The following GLB1L3 variants were observed in gnomAD, a reference collection of about 807,000 sequenced individuals.
GLB1L3 encodes galactosidase beta 1 like 3.
Under a neutral mutation model 89.5 loss-of-function variants are expected in GLB1L3, and 89 were observed. The ratio of observed to expected loss-of-function variants is 0.99; its 90% CI spans 0.84 to 1.19. The LOEUF is 1.19. Ranked by LOEUF, GLB1L3 falls within the 50% of genes most tolerant of loss-of-function variation. The pLI, the probability that GLB1L3 is intolerant of heterozygous loss-of-function variation, is 0.00. For synonymous variants in GLB1L3, 314 were observed against 312.3 expected (o/e 1.01, Z -0.06); for missense variants, 812 against 813.3 (o/e 1.00, Z 0.02).
At chr11:134,308,178 CCATCACCAT>C (rs1565412120) in intron 10 of GLB1L3, among the ~76,000 whole-genome samples, 6 of 115,042 alleles carry the variant, frequency 5.2e-5, no homozygotes, top group African/African-American at 8.0e-5. Context: ...AGCACCACCA[CCATCACCAT>C]CATCACCATC....
chr11:134,282,045 C>T lies in GLB1L3; in HGVS notation c.452C>T (p.Ala151Val), dbSNP rs760082586. ...LDLEAFVLMA[A>V]EIGLWVILRP... The stretch of plus-strand genomic sequence containing the variant: ...CCTAGGGCCTTCGTCCTGATGGCCG[C>T]AGAGATCGGGCTGTGGGTGATTCTG... The change falls in exon 5 of 20, where the codon GCA (alanine) becomes GTA (valine). Residue 151 changes from alanine (A) to valine (V), a missense_variant. Physicochemically the swap from Ala to Val is moderately conservative, Grantham distance 64. This residue lies in a region of GLB1L3 where 191 missense variants were observed against 191.4 expected (regional missense o/e 1.00). Transcript: ENST00000431683. 19 of 1,571,828 alleles carry T rather than the reference C, an allele frequency of 1.2e-5. No homozygotes were observed. The highest frequency in any genetic ancestry group is 4.0e-4 in the Middle Eastern group (2 of 4,996).
At chr11:134,292,488 T>A (rs1258564434) in intron 8 of GLB1L3, 3 of 298,334 alleles carry the variant, frequency 1.0e-5, no homozygotes, top group South Asian at 7.9e-5. Context: ...TCTCCCATAG[T>A]TTTTCTGTGG....
Position 134,309,675 on chromosome 11 carries a change from T to C in GLB1L3, c.1011T>C (p.Asn337=). Residue 337 remains asparagine, a synonymous_variant, in exon 11 of 20, where the codon AAT becomes AAC. Coordinates refer to ENST00000431683, the MANE Select transcript of GLB1L3 (RefSeq NM_001080407.3). ...TCATCAAATATGAGATCTCCTTCAA[T>C]GTATATATGTTCCATGGTGGAACCA... ...SEFIKYEISF[N]VYMFHGGTNF... is the part of the protein sequence containing the mutation. 3.7e-6 allele frequency: 6 copies of C among 1,612,426 alleles called. No individual in the cohort carries two copies. The highest frequency in any genetic ancestry group is 4.2e-6 in the Non-Finnish European group (5 of 1,179,010).
intron 13 of GLB1L3, 160 bp downstream of exon 13, chr11:134,311,330 C>T: frequency 3.0e-6 from 2 of 657,182 alleles, no homozygotes; most frequent in South Asian, 1.7e-5. Context: ...TCCGGGTGGA[C>T]TGTGAAGGGG....
chr11:134,280,440 A>G (rs1328129776), intron 3 of GLB1L3, among the ~76,000 whole-genome samples: 2 of 152,108 alleles, frequency 1.3e-5, no homozygotes, highest in African/African-American at 2.4e-5. Flanking sequence ...TGGGTTCTCT[A>G]TGTATTTATT....
At chr11:134,276,928 G>A (rs1383272089) in intron 1 of GLB1L3, among the ~76,000 whole-genome samples, 165 bp downstream of exon 1, 1 of 152,156 alleles carries the variant, frequency 6.6e-6, no homozygotes, top group Admixed American at 6.5e-5. Flanking sequence ...AGATCCCCTG[G>A]CTACCCCCAC....
rs1391025254 is a variant in GLB1L3 at position 134,277,242 on chromosome 11, G to T, written c.24-84G>T. 4 of 1,586,024 alleles carry T rather than the reference G, an allele frequency of 2.5e-6. No homozygotes were observed. The Admixed American group carries it at 5.0e-5, about 20-fold the overall frequency. On this transcript the variant is annotated intron_variant, in intron 1 of 19. Coordinates refer to ENST00000431683, the MANE Select transcript of GLB1L3 (RefSeq NM_001080407.3). ...CCCCTCCCTGGCTCTGGCCTCTAAA[G>T]CGCCCCCGGCACAGCTTCCCGGCCC...
chr11:134,295,141 G>A (rs576310266), intron 9 of GLB1L3, among the ~76,000 whole-genome samples: 1 of 152,328 alleles, frequency 6.6e-6, no homozygotes, highest in Admixed American at 6.5e-5. Context: ...AATGAATTTG[G>A]AAGGATGCTC....
intron 9 of GLB1L3, among the ~76,000 whole-genome samples, chr11:134,293,721 C>G (rs1941483870): frequency 8.8e-6 from 1 of 113,764 alleles, no homozygotes; most frequent in African/African-American, 2.8e-5. Flanking sequence ...GTACATCTGT[C>G]CTTTCTCTGC....
Position 134,316,629 on chromosome 11 carries a change from G to T in GLB1L3, c.1780-2002G>T, listed in dbSNP as rs144171249. 4.6e-3 allele frequency among the ~76,000 whole-genome samples: 697 copies of T among 152,282 alleles called. 18 individuals are homozygous for T. The highest frequency in any genetic ancestry group is 0.041 in the Admixed American group (632 of 15,304). Reference sequence around the variant, plus strand: ...AGTAGACTTCGGTATGTGCATTTTAGAATGTCTTAAAGATGATTTTGTAAG... The same window carrying T: ...AGTAGACTTCGGTATGTGCATTTTATAATGTCTTAAAGATGATTTTGTAAG... On this transcript the variant is annotated intron_variant, in intron 18 of 19. Transcript: ENST00000431683.
At chr11:134,292,917 A>C (rs1399508402) in intron 8 of GLB1L3, 1 of 604,862 alleles carries the variant, frequency 1.7e-6, no homozygotes, top group Non-Finnish European at 3.0e-6. Flanking sequence ...ACTTCTCTGC[A>C]CAGAGTGTGG....
At chr11:134,323,011 C>G (rs540923468), downstream of GLB1L3, among the ~76,000 whole-genome samples, 4 of 152,282 alleles carry the variant, frequency 2.6e-5, no homozygotes, top group African/African-American at 9.6e-5. Flanking sequence ...AAAGTGGCTG[C>G]AGCACTTTAC....
intron 12 of GLB1L3, 85 bp downstream of exon 12, chr11:134,310,736 C>T: frequency 9.9e-7 from 1 of 1,006,952 alleles, no homozygotes; most frequent in Non-Finnish European, 1.5e-6. Flanking sequence ...GCGTGGGTCT[C>T]CCTTGTGGGC....
At chr11:134,316,325 T>G (rs1942977279) in intron 18 of GLB1L3, among the ~76,000 whole-genome samples, 2 of 152,082 alleles carry the variant, frequency 1.3e-5, no homozygotes. Flanking sequence ...ATATTTCATA[T>G]CAGTGCATTA....
At chr11:134,290,160 C>T (rs521321) in intron 7 of GLB1L3, among the ~76,000 whole-genome samples, 50,438 of 151,990 alleles carry the variant, frequency 0.33, 8,766 homozygotes, top group South Asian at 0.47. Flanking sequence ...TGCCCTGCAT[C>T]GGTTGTGTTC....
chr11:134,294,694 T>G (rs541758944), intron 9 of GLB1L3, among the ~76,000 whole-genome samples: 35 of 152,326 alleles, frequency 2.3e-4, no homozygotes, highest in Middle Eastern at 3.4e-3. Context: ...GTTCTATAAA[T>G]TTACCTTTTC....
chr11:134,311,554 C>G (rs1942736393), intron 13 of GLB1L3: 1 of 178,288 alleles, frequency 5.6e-6, no homozygotes, highest in Non-Finnish European at 1.2e-5. Context: ...TCACTGCTCC[C>G]CCTTTTCCAT....
intron 9 of GLB1L3, among the ~76,000 whole-genome samples, chr11:134,303,050 A>G (rs1456262410): frequency 1.3e-5 from 2 of 152,154 alleles, no homozygotes; most frequent in Admixed American, 6.5e-5. Context: ...GACTTGTTTT[A>G]TCTTCATGGA....
chr11:134,323,553 C>T (rs1425642112), downstream of GLB1L3, among the ~76,000 whole-genome samples: 5 of 151,422 alleles, frequency 3.3e-5, no homozygotes, highest in Non-Finnish European at 7.4e-5. Flanking sequence ...CCAGCCTGGG[C>T]GACAGAGCGA....
Sources: allele counts gnomAD v4.1 joint callset (sites outside exome capture counted in the v4.1 genomes callset), GRCh38; gene constraint gnomAD v4.1.1; regional missense constraint gnomAD v4.1.1; transcripts MANE v1.5; gene names NCBI Gene and HGNC (gene_info 2026-07-23, HGNC 2026-07-21).